Variants in HPSE2 observed in about 807,000 individuals in gnomAD.
HPSE2 encodes inactive heparanase-2.
A neutral mutation model predicts 60.5 loss-of-function variants in HPSE2; 38 were observed. The ratio of observed to expected loss-of-function variants is 0.63; its 90% CI spans 0.48 to 0.82. HPSE2 has a LOEUF of 0.82. Ranked by LOEUF, HPSE2 falls within the 40% of genes least tolerant of loss-of-function variation. The probability of loss-of-function intolerance (pLI) is 0.00; values close to 1 mark genes in which losing one functional copy is unlikely to be tolerated. For missense variants in HPSE2, 713 were observed against 740.4 expected, an observed-to-expected ratio of 0.96 and a Z score of 0.43; for synonymous variants, 295 against 293.2, an observed-to-expected ratio of 1.01 and a Z score of -0.06.
intron 7 of HPSE2, among the ~76,000 whole-genome samples, chr10:98,638,130 C>A (rs1211983129): frequency 1.2e-4 from 14 of 114,242 alleles, no homozygotes; most frequent in Admixed American, 1.2e-3. Flanking sequence ...CAAAGTGAGA[C>A]CCATCTCAAA....
chr10:99,184,390 T>C (rs2805369), intron 2 of HPSE2, among the ~76,000 whole-genome samples: 22,124 of 151,428 alleles, frequency 0.15, 1,932 homozygotes, highest in Admixed American at 0.22. Context: ...CCAGGCTTGG[T>C]GGTGCATGCC....
the HPSE2 span, among the ~76,000 whole-genome samples, chr10:99,290,256 C>G: frequency 6.6e-6 from 1 of 152,022 alleles, no homozygotes; most frequent in Non-Finnish European, 1.5e-5. Flanking sequence ...AGTGAAAAAG[C>G]CAGAGTGAAA....
chr10:99,277,691 G>C, the HPSE2 span, among the ~76,000 whole-genome samples: 1 of 152,104 alleles, frequency 6.6e-6, no homozygotes, highest in South Asian at 2.1e-4. Context: ...TGGTTTTTCT[G>C]TGTATAAATG....
At chr10:98,571,549 A>G (rs951379723) in intron 9 of HPSE2, among the ~76,000 whole-genome samples, 1 of 152,252 alleles carries the variant, frequency 6.6e-6, no homozygotes, top group African/African-American at 2.4e-5. Flanking sequence ...CAAAAGGAGA[A>G]ACTGAGGAAC....
At chr10:98,919,162 G>C (rs1031089419) in intron 3 of HPSE2, among the ~76,000 whole-genome samples, 1 of 152,152 alleles carries the variant, frequency 6.6e-6, no homozygotes, top group African/African-American at 2.4e-5. Context: ...TACCTGACCA[G>C]ATATTTAGTA....
intron 3 of HPSE2, among the ~76,000 whole-genome samples, chr10:99,096,349 A>G (rs994325225): frequency 6.6e-6 from 1 of 152,212 alleles, no homozygotes; most frequent in Non-Finnish European, 1.5e-5. Context: ...AATTTATTCA[A>G]TACCATGTAC....
intron 7 of HPSE2, among the ~76,000 whole-genome samples, chr10:98,635,354 G>A (rs566631230): frequency 6.6e-6 from 1 of 152,250 alleles, no homozygotes; most frequent in African/African-American, 2.4e-5. Context: ...TATAACTACT[G>A]TATGATCCAG....
At chr10:98,833,587 T>C (rs1403875926) in intron 3 of HPSE2, among the ~76,000 whole-genome samples, 1 of 152,214 alleles carries the variant, frequency 6.6e-6, no homozygotes, top group Non-Finnish European at 1.5e-5. Context: ...TCCTATAAAG[T>C]ATGTCTTGTT....
chr10:98,604,205 C>T (rs762869349), intron 9 of HPSE2, among the ~76,000 whole-genome samples: 1 of 151,908 alleles, frequency 6.6e-6, no homozygotes, highest in African/African-American at 2.4e-5. Flanking sequence ...GAATTAAAAA[C>T]AGCTATTATT....
At chr10:98,645,288 A>G (rs555802019) in intron 6 of HPSE2, among the ~76,000 whole-genome samples, 1 of 152,354 alleles carries the variant, frequency 6.6e-6, no homozygotes, top group Admixed American at 6.5e-5. Flanking sequence ...GGTACAGAGA[A>G]AAGTTGAGAC....
At chr10:98,929,145 G>C (rs548606165) in intron 3 of HPSE2, among the ~76,000 whole-genome samples, 1 of 143,462 alleles carries the variant, frequency 7.0e-6, no homozygotes, top group East Asian at 2.0e-4. Context: ...TAATACTCAT[G>C]GTATATGATG....
chr10:99,233,413 C>T (rs149092248), intron 1 of HPSE2, among the ~76,000 whole-genome samples: 3,189 of 152,254 alleles, frequency 0.021, 122 homozygotes, highest in Admixed American at 0.1. Flanking sequence ...TTATGGGATA[C>T]TAAATGAGCA....
At chr10:98,863,611 G>A (rs1034518023) in intron 3 of HPSE2, among the ~76,000 whole-genome samples, 5 of 152,238 alleles carry the variant, frequency 3.3e-5, no homozygotes, top group East Asian at 1.9e-4. Context: ...GAAAGGGATC[G>A]TCTCAGAGAT....
rs1940099252 is a variant in HPSE2, at chr10:98,457,498, G to A, written c.*2076C>T. 1 of 152,212 alleles carries A rather than the reference G, an allele frequency of 6.6e-6. No homozygotes were observed. The highest frequency in any genetic ancestry group is 6.5e-5 in the Admixed American group (1 of 15,286). 9.4% of individuals were successfully genotyped at this position (152,212 alleles called of 1,614,324 possible). On this transcript the variant is annotated 3_prime_UTR_variant, in exon 12 of 12. Coordinates refer to ENST00000370552, the MANE Select transcript of HPSE2 (RefSeq NM_021828.5). Reference sequence around the variant, plus strand: ...CGCAAAGCAAACCATAGGTCCCCAGGGCCAGGCTCTTAGGGACCTTTGGTT... The same window carrying A: ...CGCAAAGCAAACCATAGGTCCCCAGAGCCAGGCTCTTAGGGACCTTTGGTT...
At chr10:98,805,423 C>A (rs973066694) in intron 3 of HPSE2, among the ~76,000 whole-genome samples, 5 of 151,988 alleles carry the variant, frequency 3.3e-5, no homozygotes, top group Non-Finnish European at 5.9e-5. Flanking sequence ...GGGATAGATA[C>A]CCCATTTTCC....
At chr10:99,223,739 A>C (rs537395207) in intron 2 of HPSE2, among the ~76,000 whole-genome samples, 1 of 152,274 alleles carries the variant, frequency 6.6e-6, no homozygotes, top group South Asian at 2.1e-4. Flanking sequence ...TCCTAAGGAC[A>C]AAAATGACTT....
At chr10:98,992,159 G>C (rs947492505) in intron 3 of HPSE2, among the ~76,000 whole-genome samples, 3 of 152,096 alleles carry the variant, frequency 2.0e-5, no homozygotes, top group African/African-American at 7.2e-5. Flanking sequence ...CTTTTAAAAA[G>C]AAATGTTAAA....
intron 4 of HPSE2, among the ~76,000 whole-genome samples, chr10:98,722,873 G>A (rs1031723095): frequency 1.2e-4 from 19 of 152,228 alleles, no homozygotes; most frequent in South Asian, 6.2e-4. Flanking sequence ...GGGCTGAGAC[G>A]ATGGGGTTTT....
intron 3 of HPSE2, among the ~76,000 whole-genome samples, chr10:98,983,214 T>C (rs1387973312): frequency 6.6e-6 from 1 of 152,148 alleles, no homozygotes; most frequent in Non-Finnish European, 1.5e-5. Context: ...CATTGTAATA[T>C]ACAATGAAAT....
Sources: allele counts gnomAD v4.1 joint callset (sites outside exome capture counted in the v4.1 genomes callset), GRCh38; gene constraint gnomAD v4.1.1; transcripts MANE v1.5; gene names NCBI Gene and HGNC (gene_info 2026-07-23, HGNC 2026-07-21).